The following KCNIP4 variants were observed in gnomAD, a reference collection of about 807,000 sequenced individuals.
The protein encoded by KCNIP4 is Kv channel-interacting protein 4.
KCNIP4 carries 12 observed loss-of-function variants against 34.0 expected under a neutral mutation model. That is an observed-to-expected ratio of 0.35 (90% CI 0.23 to 0.57). The LOEUF is 0.57. Among genes scored for constraint, KCNIP4 ranks in the 20% least tolerant of loss-of-function variants. The pLI, the probability that KCNIP4 is intolerant of heterozygous loss-of-function variation, is 0.83. For synonymous variants in KCNIP4, 124 were observed against 102.2 expected (o/e 1.21, Z -1.29); for missense variants, 238 against 311.7 (o/e 0.76, Z 1.78).
intron 1 of KCNIP4, among the ~76,000 whole-genome samples, chr4:21,218,945 T>C (rs550146076): frequency 6.6e-6 from 1 of 152,268 alleles, no homozygotes; most frequent in South Asian, 2.1e-4. Flanking sequence ...GAGATGGCTA[T>C]TGCAAATCTT....
At chr4:20,967,409 C>A (rs1027347656) in intron 1 of KCNIP4, among the ~76,000 whole-genome samples, 1 of 152,110 alleles carries the variant, frequency 6.6e-6, no homozygotes, top group African/African-American at 2.4e-5. Context: ...TGACTTTCTT[C>A]ACAGAATTGG....
At chr4:21,690,271 A>C (rs879161171) in intron 1 of KCNIP4, among the ~76,000 whole-genome samples, 1 of 151,924 alleles carries the variant, frequency 6.6e-6, no homozygotes, top group Admixed American at 6.6e-5. Context: ...AATGTATCCC[A>C]ATACTGGAAA....
chr4:21,528,865 AAGGAAGG>A (rs1560490744), intron 1 of KCNIP4, among the ~76,000 whole-genome samples: 8 of 148,674 alleles, frequency 5.4e-5, no homozygotes, highest in South Asian at 4.4e-4. Context: ...GGAAGGAAGG[AAGGAAGG>A]GAAATTCAAT....
At chr4:21,927,065 T>C (rs1420702102) in intron 1 of KCNIP4, among the ~76,000 whole-genome samples, 1 of 152,188 alleles carries the variant, frequency 6.6e-6, no homozygotes, top group East Asian at 1.9e-4. Flanking sequence ...TTTTCCAGCT[T>C]TTAAGGCCAC....
chr4:21,016,691 C>T (rs1222583446), intron 1 of KCNIP4, among the ~76,000 whole-genome samples: 1 of 152,080 alleles, frequency 6.6e-6, no homozygotes, highest in Non-Finnish European at 1.5e-5. Context: ...CAGCTCACTG[C>T]AACCTCCGCC....
At chr4:21,193,152 G>C (rs945661458) in intron 1 of KCNIP4, among the ~76,000 whole-genome samples, 1 of 151,616 alleles carries the variant, frequency 6.6e-6, no homozygotes, top group African/African-American at 2.4e-5. Flanking sequence ...TTTTAGAAGA[G>C]TAATAATGAA....
intron 1 of KCNIP4, among the ~76,000 whole-genome samples, chr4:21,263,311 T>G (rs1268964769): frequency 6.6e-6 from 1 of 152,216 alleles, no homozygotes; most frequent in Non-Finnish European, 1.5e-5. Flanking sequence ...AAAACTAATA[T>G]TCAGAGCTAA....
At chr4:21,612,627 C>T (rs116435640) in intron 1 of KCNIP4, among the ~76,000 whole-genome samples, 87 of 152,216 alleles carry the variant, frequency 5.7e-4, no homozygotes, top group African/African-American at 1.7e-3. Context: ...TAATATGATA[C>T]GGCTATTTAA....
At chr4:21,059,806 C>A (rs1454942635) in intron 1 of KCNIP4, among the ~76,000 whole-genome samples, 1 of 152,022 alleles carries the variant, frequency 6.6e-6, no homozygotes, top group Non-Finnish European at 1.5e-5. Context: ...TCATTTATCA[C>A]TTTAGTCACT....
At chr4:20,758,931 A>G (rs768234812) in intron 3 of KCNIP4, 41 bp from the exon 4 acceptor site, 1 of 1,547,724 alleles carries the variant, frequency 6.5e-7, no homozygotes, top group Non-Finnish European at 8.9e-7. Context: ...CAAAGTGTTC[A>G]TAAAACTGAA....
At chr4:21,372,574 T>C (rs1404886503) in intron 1 of KCNIP4, among the ~76,000 whole-genome samples, 1 of 147,050 alleles carries the variant, frequency 6.8e-6, no homozygotes, top group Non-Finnish European at 1.5e-5. Flanking sequence ...TCTACACTGT[T>C]TGGGAATACA....
At chr4:21,292,212 C>G (rs1423017575) in intron 1 of KCNIP4, among the ~76,000 whole-genome samples, 1 of 152,150 alleles carries the variant, frequency 6.6e-6, no homozygotes, top group African/African-American at 2.4e-5. Flanking sequence ...AAATTGCAGT[C>G]AAACCACTAG....
At chr4:21,059,788 C>A (rs1207581958) in intron 1 of KCNIP4, among the ~76,000 whole-genome samples, 1 of 152,042 alleles carries the variant, frequency 6.6e-6, no homozygotes, top group Non-Finnish European at 1.5e-5. Flanking sequence ...CATCTCTTTT[C>A]ATTTCATTCA....
At chr4:20,738,360 C>G (rs887169894) in intron 5 of KCNIP4, among the ~76,000 whole-genome samples, 2 of 152,096 alleles carry the variant, frequency 1.3e-5, no homozygotes, top group African/African-American at 4.8e-5. Flanking sequence ...TATTGGTTCT[C>G]AAAATATAAT....
intron 2 of KCNIP4, among the ~76,000 whole-genome samples, chr4:20,855,510 G>A (rs535979759): frequency 2.0e-4 from 31 of 152,232 alleles, no homozygotes; most frequent in Non-Finnish European, 4.3e-4. Flanking sequence ...AGCCATTTTT[G>A]ACACTAATAT....
chr4:21,753,714 C>T (rs980589136), intron 1 of KCNIP4, among the ~76,000 whole-genome samples: 1 of 152,114 alleles, frequency 6.6e-6, no homozygotes, highest in African/African-American at 2.4e-5. Context: ...AAGCCATGAC[C>T]TGTGCTATTT....
intron 1 of KCNIP4, among the ~76,000 whole-genome samples, chr4:21,247,956 T>C (rs1415788521): frequency 1.1e-4 from 13 of 119,804 alleles, no homozygotes; most frequent in South Asian, 8.6e-4. Context: ...TACACACACA[T>C]ATATATATAC....
intron 1 of KCNIP4, among the ~76,000 whole-genome samples, chr4:21,016,399 C>T (rs1182694024): frequency 6.0e-5 from 9 of 150,916 alleles, no homozygotes; most frequent in African/African-American, 9.7e-5. Context: ...CCCGGGTTCA[C>T]GCCATTCTCC....
chr4:21,640,206 A>T (rs181863952), intron 1 of KCNIP4, among the ~76,000 whole-genome samples: 1 of 152,294 alleles, frequency 6.6e-6, no homozygotes, highest in East Asian at 1.9e-4. Flanking sequence ...GCTTTCCATC[A>T]TGGTAACAAC....
Sources: gnomAD v4.1 joint callset for allele counts (sites outside exome capture counted in the v4.1 genomes callset) on GRCh38, gnomAD v4.1.1 for gene constraint, MANE v1.5 for transcripts, NCBI Gene and HGNC (gene_info 2026-07-23, HGNC 2026-07-21) for gene names.